LEPR: variants seen among roughly 807,000 people sequenced by gnomAD.
LEPR encodes the protein leptin receptor, also known as OB receptor.
LEPR carries 56 observed loss-of-function variants against 114.7 expected under a neutral mutation model. The ratio of observed to expected loss-of-function variants is 0.49; its 90% CI spans 0.39 to 0.61. LEPR has a LOEUF of 0.61. LEPR is among the 20% of genes least tolerant of loss of function. The pLI is 0.00. For missense variants in LEPR, 1,202 were observed against 1,352.9 expected (o/e 0.89, Z 1.75); for synonymous variants, 443 against 461.4 (o/e 0.96, Z 0.51).
chr1:65,480,430 G>A (rs1186726219), intron 2 of LEPR, among the ~76,000 whole-genome samples: 4 of 152,100 alleles, frequency 2.6e-5, no homozygotes, highest in Non-Finnish European at 5.9e-5. Context: ...GGACTAGAGT[G>A]AAGCTAAGAT....
intron 2 of LEPR, among the ~76,000 whole-genome samples, chr1:65,518,873 T>TTTTC (rs55672943): frequency 0.062 from 7,241 of 117,122 alleles, 286 homozygotes; most frequent in East Asian, 0.21. Flanking sequence ...CTTTCTTTCT[T>TTTTC]TTTCTTTCTT....
chr1:65,552,182 G>A (rs1052306254), intron 2 of LEPR, among the ~76,000 whole-genome samples: 2 of 152,192 alleles, frequency 1.3e-5, no homozygotes, highest in Non-Finnish European at 2.9e-5. Flanking sequence ...TGTATATTCT[G>A]TTGATTTGGG....
In LEPR at chr1:65,636,387, A is replaced by G; in HGVS notation, c.2870A>G (p.Asp957Gly). The G allele has an allele frequency of 1.9e-6, 3 of 1,614,108 alleles. No individual in the cohort carries two copies. Among genetic ancestry groups the G allele is most frequent in the South Asian group, 1.1e-5 (1 of 91,072 alleles). The change falls in exon 20 of 20, where the codon GAC becomes GGC. Residue 957 changes from aspartate (D) to glycine (G), a missense_variant. Coordinates refer to ENST00000349533, the MANE Select transcript of LEPR (RefSeq NM_002303.6). ...DLEKGSVCIS[D>G]QFNSVNFSEA... is the part of the protein sequence containing the mutation. Reference sequence around the variant, plus strand: ...GAAAAGGGTTCTGTTTGTATTAGTGACCAGTTCAACAGTGTTAACTTCTCT... The same window carrying G: ...GAAAAGGGTTCTGTTTGTATTAGTGGCCAGTTCAACAGTGTTAACTTCTCT...
At chr1:65,487,641 C>T (rs1647561154) in intron 2 of LEPR, among the ~76,000 whole-genome samples, 1 of 151,928 alleles carries the variant, frequency 6.6e-6, no homozygotes, top group Non-Finnish European at 1.5e-5. Context: ...GGGACTGTCA[C>T]CTCTGTGTAT....
At chr1:65,499,093 G>A (rs1648310143) in intron 2 of LEPR, among the ~76,000 whole-genome samples, 1 of 152,078 alleles carries the variant, frequency 6.6e-6, no homozygotes, top group Non-Finnish European at 1.5e-5. Context: ...TTGAGTAGCA[G>A]CATTCACTTT....
intron 2 of LEPR, among the ~76,000 whole-genome samples, chr1:65,515,418 T>C (rs1649237560): frequency 6.6e-6 from 1 of 152,236 alleles, no homozygotes; most frequent in Non-Finnish European, 1.5e-5. Flanking sequence ...CTAGAAGGAA[T>C]GACAAAACCA....
At chr1:65,551,025 T>A (rs2100718046) in intron 2 of LEPR, among the ~76,000 whole-genome samples, 1 of 152,148 alleles carries the variant, frequency 6.6e-6, no homozygotes, top group African/African-American at 2.4e-5. Flanking sequence ...TGTTTATTGA[T>A]TTGTGTATGT....
At chr1:65,576,192 G>T in intron 5 of LEPR, 1 of 171,374 alleles carries the variant, frequency 5.8e-6, no homozygotes, top group South Asian at 1.5e-4. Context: ...GAGTCTTCCT[G>T]ACCCTGTGGA....
At chr1:65,598,562 T>G (rs1656237638) in intron 7 of LEPR, 98 bp from the exon 8 acceptor site, 1 of 1,536,424 alleles carries the variant, frequency 6.5e-7, no homozygotes, top group East Asian at 2.4e-5. Flanking sequence ...GTGTAAGATA[T>G]TAATTCTTTG....
At chr1:65,493,991 T>C (rs1424558667) in intron 2 of LEPR, 1 of 151,998 alleles carries the variant, frequency 6.6e-6, no homozygotes, top group African/African-American at 2.4e-5. Flanking sequence ...GCACAAGGAG[T>C]TGATTCCGTC....
intron 2 of LEPR, among the ~76,000 whole-genome samples, chr1:65,479,941 C>CAAAA (rs1450177564): frequency 1.3e-5 from 2 of 151,682 alleles, no homozygotes; most frequent in South Asian, 2.1e-4. Context: ...AACAAACAAA[C>CAAAA]AAAAAAACAA....
intron 19 of LEPR, chr1:65,623,370 A>C (rs923314963): frequency 7.8e-5 from 12 of 154,502 alleles, no homozygotes; most frequent in Admixed American, 2.6e-4. Context: ...TATCTCCATA[A>C]TTATTTAAAT....
rs1458351957 is a variant in LEPR, at chr1:65,488,202, TTCTTTCTTTC to T, written c.-21+62828_-21+62837del. Among the ~76,000 whole-genome samples the T allele has an allele frequency of 3.4e-3, 99 of 29,402 alleles. 1 individual carries two copies. The highest frequency in any genetic ancestry group is 0.026 in the East Asian group (43 of 1,680). 19.3% of individuals were successfully genotyped at this position (29,402 alleles called of 152,430 possible). A position where few individuals can be genotyped will look rare whatever the true frequency, so the allele number is the denominator to read the frequency against. On this transcript the variant is annotated intron_variant, in intron 2 of 19. Coordinates refer to ENST00000349533, the MANE Select transcript of LEPR (RefSeq NM_002303.6). The stretch of plus-strand genomic sequence containing the variant: ...TTTCTTTCTTTCTTTCTTTCTTTCT[TTCTTTCTTTC>T]TCTCTCTCTCTCTCTCTTTCTTTCT...
intron 2 of LEPR, among the ~76,000 whole-genome samples, chr1:65,470,308 C>T (rs1308923860): frequency 6.6e-6 from 1 of 152,134 alleles, no homozygotes; most frequent in African/African-American, 2.4e-5. Context: ...AAGCCCCTCA[C>T]GGTGAAAGCA....
Position 65,601,421 on chromosome 1 carries a change from A to G in LEPR, c.1024A>G (p.Thr342Ala). Residue 342 changes from threonine (T) to alanine (A), a missense_variant, in exon 9 of 20, where the codon ACA (threonine) becomes GCA (alanine). By Grantham distance (58) the Thr-to-Ala change is moderately conservative (BLOSUM62 0). Coordinates refer to ENST00000349533, the MANE Select transcript of LEPR (RefSeq NM_002303.6). ...DVIYFPPKIL[T>A]SVGSNVSFHC... ...CATATACTTTCCACCTAAAATTCTGACAAGTGTTGGGTCTAATGTTTCTTT... is the reference window on the plus strand; with the variant it reads ...CATATACTTTCCACCTAAAATTCTGGCAAGTGTTGGGTCTAATGTTTCTTT... 1 of 1,613,336 alleles carries G rather than the reference A, an allele frequency of 6.2e-7. No homozygotes were observed. The highest frequency in any genetic ancestry group is 8.5e-7 in the Non-Finnish European group (1 of 1,179,606).
At chr1:65,599,699 C>T (rs1358959927) in intron 8 of LEPR, among the ~76,000 whole-genome samples, 1 of 151,356 alleles carries the variant, frequency 6.6e-6, no homozygotes, top group Non-Finnish European at 1.5e-5. Flanking sequence ...GGATGTTTTA[C>T]ATGGATATGA....
intron 2 of LEPR, among the ~76,000 whole-genome samples, chr1:65,465,964 C>G (rs1209832898): frequency 2.0e-5 from 3 of 152,140 alleles, no homozygotes; most frequent in Non-Finnish European, 1.5e-5. Context: ...ACTGATGGGT[C>G]TTGACTCTTT....
chr1:65,525,958 A>C (rs1395738951), intron 2 of LEPR: 2 of 793,892 alleles, frequency 2.5e-6, no homozygotes, highest in African/African-American at 3.8e-5. Flanking sequence ...GGGGCAGCTT[A>C]GCGGGACCAC....
At chr1:65,572,290 G>GTTTTTTTT (rs747467075) in intron 4 of LEPR, 36 bp from the exon 5 acceptor site, 92 of 799,828 alleles carry the variant, frequency 1.2e-4, no homozygotes, top group South Asian at 2.1e-4. Context: ...TCATGTAGTT[G>GTTTTTTTT]TTTTTTTTTT....
Sources: gnomAD v4.1 joint callset for allele counts (sites outside exome capture counted in the v4.1 genomes callset) on GRCh38, gnomAD v4.1.1 for gene constraint, MANE v1.5 for transcripts, NCBI Gene and HGNC (gene_info 2026-07-23, HGNC 2026-07-21) for gene names.